The following CRISPLD2 variants were observed in gnomAD, a reference collection of about 807,000 sequenced individuals.
CRISPLD2 encodes cysteine-rich secretory protein LCCL domain-containing 2.
Under a neutral mutation model 71.1 loss-of-function variants are expected in CRISPLD2, and 47 were observed. The ratio of observed to expected loss-of-function variants is 0.66; its 90% CI spans 0.52 to 0.84. The LOEUF (loss-of-function observed/expected upper bound fraction) is 0.84. Among genes scored for constraint, CRISPLD2 ranks in the 40% least tolerant of loss-of-function variants. CRISPLD2 has a pLI of 0.00. For missense variants in CRISPLD2, 830 were observed against 651.1 expected (o/e 1.27, Z -2.99); for synonymous variants, 317 against 250.1 (o/e 1.27, Z -2.52).
intron 4 of CRISPLD2, among the ~76,000 whole-genome samples, chr16:84,849,892 A>ATT (rs67724936): frequency 4.6e-5 from 6 of 130,014 alleles, no homozygotes; most frequent in Middle Eastern, 3.7e-3. Flanking sequence ...TAATTTTTGT[A>ATT]TTTTTTTTTT....
intron 8 of CRISPLD2, among the ~76,000 whole-genome samples, chr16:84,872,232 C>A (rs1049576718): frequency 2.6e-5 from 4 of 152,306 alleles, no homozygotes; most frequent in African/African-American, 9.6e-5. Context: ...GAACCAATCC[C>A]CCACGGATAC....
intron 6 of CRISPLD2, among the ~76,000 whole-genome samples, chr16:84,866,651 C>T (rs925517786): frequency 2.0e-5 from 3 of 152,160 alleles, no homozygotes; most frequent in African/African-American, 7.2e-5. Flanking sequence ...AACCTCTGGG[C>T]AGCCTGGCTG....
intron 14 of CRISPLD2, among the ~76,000 whole-genome samples, chr16:84,891,949 T>G (rs1408910732): frequency 6.6e-6 from 1 of 152,268 alleles, no homozygotes; most frequent in Non-Finnish European, 1.5e-5. Flanking sequence ...TGGTGCCTTC[T>G]GTACTCTAGA....
intron 11 of CRISPLD2, among the ~76,000 whole-genome samples, chr16:84,875,414 C>CTTTTGTTTTTTTTTTTTTTTTTTTT (rs2071509379): frequency 1.1e-5 from 1 of 87,772 alleles, no homozygotes; most frequent in African/African-American, 5.6e-5. Context: ...TATGCATGGA[C>CTTTTGTTTTTTTTTTTTTTTTTTTT]TTTTTTTTTT....
intron 3 of CRISPLD2, among the ~76,000 whole-genome samples, chr16:84,847,726 G>C (rs1916954632): frequency 6.6e-6 from 1 of 152,176 alleles, no homozygotes; most frequent in Non-Finnish European, 1.5e-5. Flanking sequence ...CCACTAGCCT[G>C]GTTCGGCTCT....
chr16:84,889,479 C>G, intron 14 of CRISPLD2, 116 bp downstream of exon 14: 1 of 1,118,056 alleles, frequency 8.9e-7, no homozygotes, highest in Non-Finnish European at 1.2e-6. Context: ...GGTAGACTTG[C>G]ACGAATTCTT....
At chr16:84,850,190 A>C (rs906453516) in intron 4 of CRISPLD2, among the ~76,000 whole-genome samples, 2 of 151,704 alleles carry the variant, frequency 1.3e-5, no homozygotes, top group Non-Finnish European at 2.9e-5. Flanking sequence ...TCCTGGGTTC[A>C]AGCGATTCGC....
intron 3 of CRISPLD2, 58 bp from the exon 4 acceptor site, chr16:84,849,327 T>G: frequency 6.6e-7 from 1 of 1,520,028 alleles, no homozygotes; most frequent in Non-Finnish European, 9.0e-7. Flanking sequence ...GCTGCTGCTG[T>G]CTCCACTGGT....
intron 2 of CRISPLD2, among the ~76,000 whole-genome samples, chr16:84,843,077 C>T (rs76608759): frequency 1.1e-4 from 17 of 152,152 alleles, no homozygotes. Context: ...CCAGAGCAGG[C>T]CTTTCATGTT....
intron 14 of CRISPLD2, among the ~76,000 whole-genome samples, chr16:84,892,020 A>G (rs2646114): frequency 0.62 from 94,721 of 152,134 alleles, 30,746 homozygotes; most frequent in East Asian, 0.87. Context: ...CTTGCTCCTC[A>G]GACTCTCTGC....
At chr16:84,859,749 C>G (rs1406529346) in intron 6 of CRISPLD2, among the ~76,000 whole-genome samples, 1 of 152,242 alleles carries the variant, frequency 6.6e-6, no homozygotes, top group Non-Finnish European at 1.5e-5. Context: ...TGACAGGACT[C>G]TACACGAGCC....
intron 1 of CRISPLD2, 49 bp downstream of exon 1, chr16:84,820,182 G>A (rs1417609058): frequency 6.6e-6 from 1 of 152,148 alleles, no homozygotes; most frequent in Non-Finnish European, 1.5e-5. Context: ...TTACCCCCCC[G>A]AGAAGCTGGA....
chr16:84,824,833 G>A (rs761279543), intron 1 of CRISPLD2, among the ~76,000 whole-genome samples: 12 of 151,600 alleles, frequency 7.9e-5, no homozygotes, highest in East Asian at 3.9e-4. Flanking sequence ...GGCCAGGCGC[G>A]GTGGCTCATG....
chr16:84,900,144 C>G (rs760140902), intron 14 of CRISPLD2, among the ~76,000 whole-genome samples: 37 of 152,174 alleles, frequency 2.4e-4, no homozygotes, highest in Non-Finnish European at 3.4e-4. Flanking sequence ...TGGGTCTTGG[C>G]TCTTGGCGTT....
chr16:84,875,415 T>TG (rs2143297650), intron 11 of CRISPLD2, among the ~76,000 whole-genome samples: 1 of 50,960 alleles, frequency 2.0e-5, no homozygotes, highest in East Asian at 1.3e-3. Context: ...ATGCATGGAC[T>TG]TTTTTTTTTT....
At chr16:84,887,494 G>A (rs939443982) in intron 13 of CRISPLD2, among the ~76,000 whole-genome samples, 7 of 152,212 alleles carry the variant, frequency 4.6e-5, no homozygotes, top group African/African-American at 9.7e-5. Flanking sequence ...AGCTGCTGCC[G>A]GGGACTGATC....
At chr16:84,869,106 TGGG>T (rs1216660182) in intron 8 of CRISPLD2, among the ~76,000 whole-genome samples, 195 bp downstream of exon 8, 4 of 152,216 alleles carry the variant, frequency 2.6e-5, no homozygotes, top group African/African-American at 9.6e-5. Flanking sequence ...GCAGATCCTA[TGGG>T]AATGCTGCAG....
chr16:84,820,985 G>A (rs1310260591), intron 1 of CRISPLD2, among the ~76,000 whole-genome samples: 1 of 152,238 alleles, frequency 6.6e-6, no homozygotes, highest in East Asian at 1.9e-4. Context: ...AAGCCAGGGA[G>A]GACTTCGCTG....
At chr16:84,866,354 AC>A (rs1408645894) in intron 6 of CRISPLD2, among the ~76,000 whole-genome samples, 2 of 150,674 alleles carry the variant, frequency 1.3e-5, no homozygotes, top group Non-Finnish European at 3.0e-5. Context: ...CTGCCTCAGC[AC>A]CCCCCAAGTA....
Sources: gnomAD v4.1 joint callset for allele counts (sites outside exome capture counted in the v4.1 genomes callset) on GRCh38, gnomAD v4.1.1 for gene constraint, MANE v1.5 for transcripts, NCBI Gene and HGNC (gene_info 2026-07-23, HGNC 2026-07-21) for gene names.